The following SPRED2 variants were observed in gnomAD, a reference collection of about 807,000 sequenced individuals.
SPRED2 encodes the protein sprouty-related, EVH1 domain-containing protein 2.
SPRED2 carries 47 observed loss-of-function variants against 43.0 expected under a neutral mutation model. The ratio of observed to expected loss-of-function variants is 1.09; its 90% CI spans 0.87 to 1.40. The LOEUF (loss-of-function observed/expected upper bound fraction) is 1.40. Among genes scored for constraint, SPRED2 ranks in the 40% most tolerant of loss-of-function variants. The probability of loss-of-function intolerance (pLI) is 0.00; values close to 1 mark genes in which losing one functional copy is unlikely to be tolerated. For synonymous variants in SPRED2, 225 were observed against 225.7 expected (o/e 1.00, Z 0.03); for missense variants, 561 against 586.4 (o/e 0.96, Z 0.45).
intron 1 of SPRED2, among the ~76,000 whole-genome samples, chr2:65,362,002 T>G (rs2104316609): frequency 6.6e-6 from 1 of 152,314 alleles, no homozygotes; most frequent in South Asian, 2.1e-4. Context: ...AAAAGCCAAA[T>G]CTAGCTTGGA....
At chr2:65,389,243 C>CT (rs11335406) in intron 1 of SPRED2, among the ~76,000 whole-genome samples, 17,276 of 140,134 alleles carry the variant, frequency 0.12, 2,759 homozygotes, top group African/African-American at 0.38. Context: ...CATGCTCAAC[C>CT]TTTTTTTTTT....
chr2:65,331,400 T>C (rs1169892428), intron 4 of SPRED2, among the ~76,000 whole-genome samples: 1 of 152,236 alleles, frequency 6.6e-6, no homozygotes, highest in Non-Finnish European at 1.5e-5. Flanking sequence ...TGAGAAATCA[T>C]TTTGTTTCCA....
chr2:65,327,897 T>A (rs962549807), intron 4 of SPRED2, among the ~76,000 whole-genome samples: 3 of 151,848 alleles, frequency 2.0e-5, no homozygotes, highest in Non-Finnish European at 4.4e-5. Context: ...CTAATTTTTG[T>A]ATTTTTAGTA....
intron 1 of SPRED2, among the ~76,000 whole-genome samples, chr2:65,353,918 T>C (rs1674576778): frequency 6.9e-6 from 1 of 145,502 alleles, no homozygotes; most frequent in African/African-American, 2.4e-5. Context: ...GGGAGTGGAA[T>C]GGATGCTCTG....
At position 65,432,303 on chromosome 2, in the gene SPRED2, A is replaced by T. The variant is rs1477471513; in HGVS notation, c.-316T>A. On this transcript the variant is annotated 5_prime_UTR_variant, in exon 1 of 6. Coordinates refer to ENST00000356388, the MANE Select transcript of SPRED2 (RefSeq NM_181784.3). ...GGGGACGGCGGTGGGGGAGAGCAGG[A>T]GAAAAACAAGCGCGCCTCGGAGCGG... 2 of 328,390 alleles carry T rather than the reference A, an allele frequency of 6.1e-6. No homozygotes were observed. The highest frequency in any genetic ancestry group is 4.3e-5 in the Admixed American group (1 of 23,110). The allele number at this position is 328,390 out of a possible 1,614,324, so 20.3% of individuals were successfully genotyped here.
intron 1 of SPRED2, among the ~76,000 whole-genome samples, chr2:65,386,492 T>C (rs1414703155): frequency 1.3e-5 from 2 of 152,342 alleles, no homozygotes; most frequent in East Asian, 3.9e-4. Context: ...TCTGTACTCT[T>C]TTTGTTTACA....
At chr2:65,344,934 T>C (rs553330765) in intron 1 of SPRED2, 38 bp from the exon 2 acceptor site, 2 of 1,587,294 alleles carry the variant, frequency 1.3e-6, no homozygotes, top group Non-Finnish European at 1.7e-6. Flanking sequence ...GGCATGACAA[T>C]GGTCTGGTAG....
At chr2:65,431,626 G>A (rs1321759874) in intron 1 of SPRED2, among the ~76,000 whole-genome samples, 2 of 152,304 alleles carry the variant, frequency 1.3e-5, no homozygotes, top group Non-Finnish European at 2.9e-5. Flanking sequence ...GGGGGTGTCA[G>A]GTCTTCCGCT....
chr2:65,348,865 A>G (rs1447644991), intron 1 of SPRED2, among the ~76,000 whole-genome samples: 1 of 152,226 alleles, frequency 6.6e-6, no homozygotes, highest in Non-Finnish European at 1.5e-5. Context: ...TTTACTTATG[A>G]ACCACAATTA....
At chr2:65,388,677 G>C (rs1482376442) in intron 1 of SPRED2, among the ~76,000 whole-genome samples, 4 of 151,998 alleles carry the variant, frequency 2.6e-5, no homozygotes, top group Admixed American at 6.6e-5. Context: ...AAAGCAGGAG[G>C]GGGGTGGTGA....
intron 1 of SPRED2, among the ~76,000 whole-genome samples, chr2:65,376,318 C>T (rs1393580841): frequency 1.3e-5 from 2 of 152,126 alleles, no homozygotes; most frequent in East Asian, 1.9e-4. Context: ...TCCATGGGTC[C>T]GTTTCAGAGC....
rs1240858007 is a variant in SPRED2 at position 65,334,705 on chromosome 2, C to G, written c.273G>C (p.Trp91Cys). 5 of 1,614,228 alleles carry G rather than the reference C, an allele frequency of 3.1e-6. No homozygotes were observed. The highest frequency in any genetic ancestry group is 2.5e-6 in the Non-Finnish European group (3 of 1,180,044). Residue 91 changes from tryptophan to cysteine, a missense_variant, in exon 3 of 6, where the codon TGG becomes TGC. Trp to Cys is a radical substitution (Grantham distance 215). Around this residue, in one of 6 missense-constraint regions of SPRED2, gnomAD observed 305 missense variants for 282.4 expected, o/e 1.08. Transcript: ENST00000356388. ...GTCCAAACTTCCTATTATCGACCTT[C>G]CAGTGATGAAACGTTGGATTGGCTT... is the stretch of plus-strand genomic sequence containing the variant. The part of the protein sequence containing the change: ...YTKANPTFHH[W>C]KVDNRKFGLT...
At chr2:65,363,201 T>C (rs1209654757) in intron 1 of SPRED2, among the ~76,000 whole-genome samples, 4 of 136,382 alleles carry the variant, frequency 2.9e-5, no homozygotes, top group Non-Finnish European at 6.1e-5. Flanking sequence ...ATTGTGCCAT[T>C]GCACTCCACC....
intron 1 of SPRED2, among the ~76,000 whole-genome samples, chr2:65,363,325 T>G (rs959689606): frequency 1.5e-4 from 22 of 151,164 alleles, no homozygotes; most frequent in African/African-American, 5.4e-4. Flanking sequence ...ACAATCCAGG[T>G]GCAGTTGACG....
chr2:65,393,150 T>C (rs1675675993), intron 1 of SPRED2, among the ~76,000 whole-genome samples: 1 of 152,148 alleles, frequency 6.6e-6, no homozygotes, highest in African/African-American at 2.4e-5. Flanking sequence ...CAACCACTTT[T>C]AGACTCCTGC....
At chr2:65,308,249 C>T (rs1283090800), downstream of SPRED2, 2 of 946,628 alleles carry the variant, frequency 2.1e-6, no homozygotes, top group Non-Finnish European at 2.5e-6. Context: ...GTGCTCTGAC[C>T]CAGGGCAAGT....
Position 65,432,155 on chromosome 2 carries a change from T to C in SPRED2, c.-168A>G, listed in dbSNP as rs1312829428. The C allele has an allele frequency of 9.7e-6, 8 of 828,636 alleles. No homozygotes were observed. The Middle Eastern group carries it at 7.4e-4, about 77-fold the overall frequency. 51.3% of individuals were successfully genotyped at this position (828,636 alleles called of 1,614,324 possible). A position where few individuals can be genotyped will look rare whatever the true frequency, so the allele number is the denominator to read the frequency against. On this transcript the variant is annotated 5_prime_UTR_variant, in exon 1 of 6. Transcript: ENST00000356388. The stretch of plus-strand genomic sequence containing the variant: ...GCAGAAGGGGAAGCAGGGCGCGGGA[T>C]AGGGTTTGGGGGAAGGGGTGCAAAG...
At chr2:65,429,784 GTC>G (rs1317354985) in intron 1 of SPRED2, among the ~76,000 whole-genome samples, 1 of 152,190 alleles carries the variant, frequency 6.6e-6, no homozygotes, top group Non-Finnish European at 1.5e-5. Context: ...GGCTTTCTCA[GTC>G]TCTAAGTGAA....
At chr2:65,380,870 T>G (rs907307925) in intron 1 of SPRED2, among the ~76,000 whole-genome samples, 23 of 152,244 alleles carry the variant, frequency 1.5e-4, no homozygotes, top group Non-Finnish European at 3.4e-4. Context: ...TTATATCTTC[T>G]ATTACATGTT....
Sources: allele counts gnomAD v4.1 joint callset (sites outside exome capture counted in the v4.1 genomes callset), GRCh38; gene constraint gnomAD v4.1.1; regional missense constraint gnomAD v4.1.1; transcripts MANE v1.5; gene names NCBI Gene and HGNC (gene_info 2026-07-23, HGNC 2026-07-21).